The following BPTF variants were observed in gnomAD, a reference collection of about 807,000 sequenced individuals.
BPTF encodes bromodomain PHD finger transcription factor, also known as nucleosome-remodeling factor subunit BPTF.
BPTF carries 18 observed loss-of-function variants against 292.5 expected under a neutral mutation model. The observed-to-expected ratio is 0.06, with a 90% CI of 0.04 to 0.09. The LOEUF (loss-of-function observed/expected upper bound fraction) is 0.09, where lower values mean the gene tolerates loss of function less well. Among genes scored for constraint, BPTF ranks in the 10% least tolerant of loss-of-function variants. The pLI is 1.00. For synonymous variants in BPTF, 1,225 were observed against 1,251.9 expected (o/e 0.98, Z 0.45); for missense variants, 2,726 against 3,498.7 (o/e 0.78, Z 5.57).
In BPTF at chr17:67,945,939, A is replaced by T. The variant is rs1555674868; in HGVS notation, c.7231A>T (p.Asn2411Tyr). The T allele has an allele frequency of 6.2e-7, 1 of 1,614,006 alleles. No individual in the cohort carries two copies. The highest frequency in any genetic ancestry group is 8.5e-7 in the Non-Finnish European group (1 of 1,180,034). ...AACTCTTTCATCAGGACAAACTTTAAATCAAGTTACTGTTTCATCCCCATC... is the reference window on the plus strand; with the variant it reads ...AACTCTTTCATCAGGACAAACTTTATATCAAGTTACTGTTTCATCCCCATC... ...TQTLSSGQTLNQVTVSSPSRP... is the reference protein window; with the variant it reads ...TQTLSSGQTLYQVTVSSPSRP... The change falls in exon 21 of 28, where the codon AAT becomes TAT. Residue 2411 changes from asparagine (N) to tyrosine (Y), a missense_variant. Physicochemically the swap from Asn to Tyr is moderately radical, Grantham distance 143. Transcript: ENST00000306378.
At position 67,959,642 on chromosome 17, in the gene BPTF, T is replaced by TCCTGCAGCC; in HGVS notation, c.8031_8032insGCAGCCCCT (p.Pro2677_Pro2678insAlaAlaPro). The TCCTGCAGCC allele has an allele frequency of 6.5e-7, 1 of 1,538,754 alleles. No homozygotes were observed. Among genetic ancestry groups the TCCTGCAGCC allele is most frequent in the Non-Finnish European group, 8.8e-7 (1 of 1,142,350 alleles). Reference sequence around the variant, plus strand: ...CACCCTGCCCCCCAGTGACACCAGCTCCTCCAGCCCCTCCAGCCCCTCCAC... The same window carrying TCCTGCAGCC: ...CACCCTGCCCCCCAGTGACACCAGCTCCTGCAGCCCCTCCAGCCCCTCCAGCCCCTCCAC... On this transcript the variant is annotated inframe_insertion, in exon 24 of 28. Coordinates refer to ENST00000306378, the MANE Select transcript of BPTF (RefSeq NM_182641.4).
chr17:67,881,993 C>T (rs1474283206), intron 4 of BPTF, among the ~76,000 whole-genome samples: 1 of 150,278 alleles, frequency 6.7e-6, no homozygotes, highest in Non-Finnish European at 1.5e-5. Flanking sequence ...CACAACCACA[C>T]CCAGCTAATT....
At chr17:67,916,615 A>G (rs1173307503) in intron 11 of BPTF, among the ~76,000 whole-genome samples, 1 of 151,626 alleles carries the variant, frequency 6.6e-6, no homozygotes, top group Non-Finnish European at 1.5e-5. Flanking sequence ...AATATACAAA[A>G]ATTAGCTGGA....
chr17:67,945,670 C>G lies in BPTF; in HGVS notation c.6962C>G (p.Ser2321Cys). The G allele has an allele frequency of 6.2e-7, 1 of 1,614,134 alleles. No individual in the cohort carries two copies. The highest frequency in any genetic ancestry group is 8.5e-7 in the Non-Finnish European group (1 of 1,180,026). ...GCACAACCCACCCACGCACAGTCAT[C>G]CAAGCCCCAAGTTGCAGCACAGTCT... Reference protein sequence around the residue: ...SEAQPTHAQSSKPQVAAQSQP... With the variant: ...SEAQPTHAQSCKPQVAAQSQP... Residue 2321 changes from serine (S) to cysteine (C), a missense_variant, in exon 21 of 28, where the codon TCC becomes TGC. Around this residue, in one of 22 missense-constraint regions of BPTF, gnomAD observed 570 missense variants for 633.5 expected, o/e 0.90. Transcript: ENST00000306378.
chr17:67,937,003 C>T (rs908159026), intron 18 of BPTF, among the ~76,000 whole-genome samples: 2 of 152,038 alleles, frequency 1.3e-5, no homozygotes, highest in African/African-American at 4.8e-5. Context: ...GTTCCAGGCC[C>T]AAATGGCCAT....
intron 9 of BPTF, 102 bp downstream of exon 9, chr17:67,904,942 A>G (rs2062075820): frequency 1.3e-5 from 13 of 1,002,002 alleles, no homozygotes; most frequent in Non-Finnish European, 1.7e-5. Context: ...CATTTTTCTG[A>G]AATTTTTATT....
intron 23 of BPTF, among the ~76,000 whole-genome samples, chr17:67,949,373 G>A (rs879948281): frequency 6.6e-6 from 1 of 151,434 alleles, no homozygotes; most frequent in Non-Finnish European, 1.5e-5. Context: ...TCAGGAGTTC[G>A]AGACCAGCCA....
intron 2 of BPTF, among the ~76,000 whole-genome samples, chr17:67,860,185 C>G (rs553731169): frequency 3.5e-4 from 54 of 152,144 alleles, no homozygotes; most frequent in Non-Finnish European, 6.9e-4. Context: ...TATGTAAAAT[C>G]AAGTAGGAAA....
chr17:67,960,964 G>A (rs1337311535), intron 24 of BPTF, among the ~76,000 whole-genome samples: 1 of 152,118 alleles, frequency 6.6e-6, no homozygotes, highest in African/African-American at 2.4e-5. Flanking sequence ...TATCTCATTG[G>A]AAATTATACA....
At chr17:67,968,801 AAG>A in intron 26 of BPTF, among the ~76,000 whole-genome samples, 1 of 150,752 alleles carries the variant, frequency 6.6e-6, no homozygotes, top group South Asian at 2.1e-4. Flanking sequence ...AAAAAAAAGA[AAG>A]AAAATTTAGA....
chr17:67,893,964 T>C (rs1043375010), intron 6 of BPTF, 70 bp from the exon 7 acceptor site: 11 of 1,566,588 alleles, frequency 7.0e-6, no homozygotes, highest in Non-Finnish European at 9.6e-6. Flanking sequence ...AGGCCAAAGT[T>C]ACAACTATTG....
chr17:67,829,459 C>A (rs1361932701), intron 1 of BPTF, among the ~76,000 whole-genome samples: 2 of 151,484 alleles, frequency 1.3e-5, no homozygotes, highest in East Asian at 3.9e-4. Context: ...CTCTAAGTTC[C>A]CTCCCCTTGC....
At chr17:67,897,341 CAAA>C (rs750678904) in intron 7 of BPTF, among the ~76,000 whole-genome samples, 22 of 17,760 alleles carry the variant, frequency 1.2e-3, no homozygotes, top group African/African-American at 2.1e-3. Context: ...AACTCTGTCT[CAAA>C]AAAAAAAAAA....
chr17:67,945,203 T>C (rs1456196115), intron 20 of BPTF, among the ~76,000 whole-genome samples: 1 of 151,914 alleles, frequency 6.6e-6, no homozygotes, highest in Non-Finnish European at 1.5e-5. Context: ...GCTCAGATAA[T>C]TTTTTATTTT....
chr17:67,913,262 TA>T (rs538308496), intron 11 of BPTF, 75 bp downstream of exon 11: 1 of 1,476,800 alleles, frequency 6.8e-7, no homozygotes, highest in Non-Finnish European at 9.1e-7. Context: ...ATCTCATTTT[TA>T]AAAAATGAGA....
At chr17:67,975,531 T>TA (rs1381454740) in intron 26 of BPTF, 24 of 413,834 alleles carry the variant, frequency 5.8e-5, no homozygotes, top group Admixed American at 3.3e-4. Flanking sequence ...TCTGTGCAGT[T>TA]ACCTGAAAGT....
chr17:67,910,732 G>A (rs1171046168), intron 10 of BPTF, 145 bp from the exon 11 acceptor site: 10 of 444,970 alleles, frequency 2.2e-5, no homozygotes, highest in South Asian at 1.9e-4. Context: ...CCCAGGAGGC[G>A]GAGGTTGCAG....
At chr17:67,958,046 T>C (rs1226563887) in intron 23 of BPTF, among the ~76,000 whole-genome samples, 2 of 152,178 alleles carry the variant, frequency 1.3e-5, no homozygotes, top group African/African-American at 2.4e-5. Flanking sequence ...GGAAGTAGTA[T>C]GTTGGCCAGA....
chr17:67,872,684 C>T (rs1048823736), intron 3 of BPTF, among the ~76,000 whole-genome samples: 1 of 151,492 alleles, frequency 6.6e-6, no homozygotes, highest in African/African-American at 2.4e-5. Flanking sequence ...CCAGCCTGGG[C>T]AACAGAGTGA....
Sources: allele counts gnomAD v4.1 joint callset (sites outside exome capture counted in the v4.1 genomes callset), GRCh38; gene constraint gnomAD v4.1.1; regional missense constraint gnomAD v4.1.1; transcripts MANE v1.5; gene names NCBI Gene and HGNC (gene_info 2026-07-23, HGNC 2026-07-21).